DNAJC8: variants seen among roughly 807,000 people sequenced by gnomAD.
The protein encoded by DNAJC8 is DnaJ heat shock protein family (Hsp40) member C8, also known as dnaJ homolog subfamily C member 8.
DNAJC8 carries 24 observed loss-of-function variants against 43.2 expected under a neutral mutation model. The ratio of observed to expected loss-of-function variants is 0.56; its 90% confidence interval spans 0.40 to 0.78. DNAJC8 has a LOEUF of 0.78. Ranked by LOEUF, DNAJC8 falls within the 30% of genes least tolerant of loss-of-function variation. The pLI is 0.00. For missense variants in DNAJC8, 207 were observed against 299.4 expected (o/e 0.69, Z 2.28); for synonymous variants, 83 against 98.0 (o/e 0.85, Z 0.90).
At chr1:28,214,651 C>T (rs976153656) in intron 3 of DNAJC8, among the ~76,000 whole-genome samples, 4 of 152,168 alleles carry the variant, frequency 2.6e-5, no homozygotes, top group African/African-American at 9.7e-5. Context: ...TTGGTAGTTA[C>T]AACTCCATGC....
chr1:28,217,078 A>G (rs1646860889), intron 2 of DNAJC8, among the ~76,000 whole-genome samples: 1 of 151,524 alleles, frequency 6.6e-6, no homozygotes, highest in African/African-American at 2.4e-5. Flanking sequence ...AAAGTGCTGG[A>G]ATTACAGGTG....
At chr1:28,231,831 G>A (rs1399460739) in intron 1 of DNAJC8, among the ~76,000 whole-genome samples, 1 of 151,586 alleles carries the variant, frequency 6.6e-6, no homozygotes, top group East Asian at 2.0e-4. Flanking sequence ...GCAGTGGCGC[G>A]ATCTCTGCTC....
chr1:28,210,860 G>A (rs1477761320), intron 3 of DNAJC8, among the ~76,000 whole-genome samples: 1 of 152,152 alleles, frequency 6.6e-6, no homozygotes, highest in South Asian at 2.1e-4. Context: ...AACATTTCAG[G>A]TTTTAATCAC....
chr1:28,221,138 G>A (rs1375167055), intron 2 of DNAJC8, among the ~76,000 whole-genome samples: 2 of 151,856 alleles, frequency 1.3e-5, no homozygotes, highest in African/African-American at 4.8e-5. Context: ...AGGAGATCGA[G>A]ACCATCCTGG....
intron 1 of DNAJC8, among the ~76,000 whole-genome samples, chr1:28,229,603 G>A (rs919260781): frequency 8.6e-5 from 13 of 151,670 alleles, no homozygotes; most frequent in Admixed American, 4.6e-4. Flanking sequence ...GTGAAACCCC[G>A]TCTCTACTAA....
chr1:28,202,194 G>A (rs997384029), intron 8 of DNAJC8, among the ~76,000 whole-genome samples: 3 of 152,212 alleles, frequency 2.0e-5, no homozygotes, highest in African/African-American at 7.2e-5. Flanking sequence ...AGAGGAGGAC[G>A]AAATCAGTAA....
intron 7 of DNAJC8, 37 bp downstream of exon 7, chr1:28,205,221 A>G: frequency 6.7e-7 from 1 of 1,483,644 alleles, no homozygotes; most frequent in Non-Finnish European, 9.3e-7. Context: ...TAATCTAGGT[A>G]TTTAAATATG....
intron 2 of DNAJC8, among the ~76,000 whole-genome samples, chr1:28,217,883 T>C (rs1308913190): frequency 6.6e-6 from 1 of 151,926 alleles, no homozygotes; most frequent in Non-Finnish European, 1.5e-5. Context: ...TTATGGGATA[T>C]ATACAGACAG....
chr1:28,212,892 T>C (rs2149017692), intron 3 of DNAJC8, among the ~76,000 whole-genome samples: 1 of 152,310 alleles, frequency 6.6e-6, no homozygotes, highest in Non-Finnish European at 1.5e-5. Flanking sequence ...TAATACTATG[T>C]ACCTATATCT....
At chr1:28,212,172 T>A (rs7548394) in intron 3 of DNAJC8, among the ~76,000 whole-genome samples, 2,757 of 11,046 alleles carry the variant, frequency 0.25, 106 homozygotes, top group Non-Finnish European at 0.29. Flanking sequence ...TAAATAAATA[T>A]ATATATATAT....
chr1:28,219,237 G>A (rs549165792), intron 2 of DNAJC8, among the ~76,000 whole-genome samples: 116 of 151,886 alleles, frequency 7.6e-4, no homozygotes, highest in African/African-American at 2.7e-3. Context: ...GGCCAGGTGT[G>A]GCGGCTCACG....
chr1:28,221,012 G>A (rs189340025), intron 2 of DNAJC8, among the ~76,000 whole-genome samples: 4 of 151,756 alleles, frequency 2.6e-5, no homozygotes, highest in African/African-American at 9.7e-5. Context: ...AACTCAAAAT[G>A]TAACAGCCAT....
At chr1:28,229,114 CATTT>C (rs1326222136) in intron 1 of DNAJC8, 91 bp from the exon 2 acceptor site, 3 of 1,079,980 alleles carry the variant, frequency 2.8e-6, no homozygotes, top group East Asian at 2.5e-5. Flanking sequence ...GTTCAACAAA[CATTT>C]ATTTGTGTGT....
chr1:28,221,942 A>G (rs966258288), intron 2 of DNAJC8, among the ~76,000 whole-genome samples: 1 of 152,206 alleles, frequency 6.6e-6, no homozygotes, highest in South Asian at 2.1e-4. Context: ...ATGCTACAAC[A>G]TTGAAGAACC....
intron 5 of DNAJC8, among the ~76,000 whole-genome samples, chr1:28,209,574 G>C (rs1646795695): frequency 6.6e-6 from 1 of 152,146 alleles, no homozygotes; most frequent in Admixed American, 6.5e-5. Flanking sequence ...CTATCCTCTT[G>C]CTAGCCTTTG....
intron 6 of DNAJC8, among the ~76,000 whole-genome samples, chr1:28,206,253 T>A (rs1646767753): frequency 6.6e-6 from 1 of 152,074 alleles, no homozygotes; most frequent in Admixed American, 6.5e-5. Context: ...CTATTATTAT[T>A]TATTATTATT....
At chr1:28,207,380 A>G (rs944499264) in intron 6 of DNAJC8, among the ~76,000 whole-genome samples, 1 of 152,152 alleles carries the variant, frequency 6.6e-6, no homozygotes. Flanking sequence ...CCCGTCTCAA[A>G]CAAATACATA....
chr1:28,202,588 CTTTT>C (rs369024181), intron 8 of DNAJC8, among the ~76,000 whole-genome samples: 3 of 89,646 alleles, frequency 3.3e-5, no homozygotes, highest in African/African-American at 4.6e-5. Context: ...CTTTTTTTTT[CTTTT>C]TTTTTTTTTT....
chr1:28,207,525 T>C (rs1646778084), intron 6 of DNAJC8, among the ~76,000 whole-genome samples: 1 of 151,038 alleles, frequency 6.6e-6, no homozygotes, highest in African/African-American at 2.4e-5. Flanking sequence ...CTCACTGCAA[T>C]CTCTGCCTCC....
Sources: gnomAD v4.1 joint callset for allele counts (sites outside exome capture counted in the v4.1 genomes callset) on GRCh38, gnomAD v4.1.1 for gene constraint, MANE v1.5 for transcripts, NCBI Gene and HGNC (gene_info 2026-07-23, HGNC 2026-07-21) for gene names.